Variants in FARP1 observed in about 807,000 individuals in gnomAD.
FARP1 encodes FERM, ARH/RhoGEF and pleckstrin domain protein 1.
In FARP1, 52 loss-of-function variants were observed where a neutral mutation model predicts 128.8. The observed-to-expected ratio is 0.40, with a 90% CI of 0.32 to 0.51. FARP1 has a LOEUF of 0.51. FARP1 is among the 20% of genes least tolerant of loss of function. FARP1 has a pLI of 0.45. For synonymous variants in FARP1, 580 were observed against 551.8 expected, an observed-to-expected ratio of 1.05 and a Z score of -0.72; for missense variants, 1,333 against 1,367.9, an observed-to-expected ratio of 0.97 and a Z score of 0.40.
chr13:98,431,733 T>G (rs1436440048), intron 18 of FARP1: 3 of 153,752 alleles, frequency 2.0e-5, no homozygotes, highest in Admixed American at 6.5e-5. Flanking sequence ...GTGCTGGGAT[T>G]ACAGGCGTGA....
At chr13:98,277,884 T>C (rs1358034892) in intron 2 of FARP1, among the ~76,000 whole-genome samples, 1 of 152,216 alleles carries the variant, frequency 6.6e-6, no homozygotes, top group African/African-American at 2.4e-5. Flanking sequence ...GGCCTAGGCA[T>C]TGTTATTTCT....
intron 3 of FARP1, among the ~76,000 whole-genome samples, chr13:98,362,562 G>A (rs2139953885): frequency 6.6e-6 from 1 of 152,300 alleles, no homozygotes; most frequent in Non-Finnish European, 1.5e-5. Context: ...GTCCATGGTG[G>A]ACATATTGGC....
At chr13:98,315,382 G>T (rs1040138346) in intron 2 of FARP1, among the ~76,000 whole-genome samples, 2 of 152,132 alleles carry the variant, frequency 1.3e-5, no homozygotes, top group African/African-American at 2.4e-5. Flanking sequence ...TGGGATTACA[G>T]GTATGAGCAC....
At position 98,431,059 on chromosome 13, in the gene FARP1, T is replaced by C. The variant is rs577544135; in HGVS notation, c.1922T>C (p.Leu641Pro). 6.2e-7 allele frequency: 1 copy of C among 1,613,652 alleles called. No homozygotes were observed. The highest frequency in any genetic ancestry group is 1.1e-5 in the South Asian group (1 of 91,024). Residue 641 changes from leucine to proline, a missense_variant, in exon 18 of 27, where the codon CTG (leucine) becomes CCG (proline). By Grantham distance (98) the Leu-to-Pro change is moderately conservative. This residue lies in a region of FARP1 where 1,009 missense variants were observed against 969.8 expected (regional missense o/e 1.04). Transcript: ENST00000319562. ...IQGMKHLAAH[L>P]WKHSEALEAL... ...CCTCCCAAGCACCTGGCGGCTCACCTGTGGAAGCACAGCGAGGCCTTGGAG... is the reference window on the plus strand; with the variant it reads ...CCTCCCAAGCACCTGGCGGCTCACCCGTGGAAGCACAGCGAGGCCTTGGAG...
intron 13 of FARP1, chr13:98,406,840 TC>T (rs1336761100): frequency 6.6e-6 from 1 of 152,472 alleles, no homozygotes; most frequent in African/African-American, 2.4e-5. Flanking sequence ...AACTGCTCTG[TC>T]CCCTAAATGT....
At chr13:98,297,219 C>G (rs1885735768) in intron 2 of FARP1, among the ~76,000 whole-genome samples, 2 of 152,290 alleles carry the variant, frequency 1.3e-5, no homozygotes, top group Admixed American at 6.5e-5. Context: ...TTCAGCTGAT[C>G]AGCAGGAGCT....
chr13:98,257,592 G>A (rs1290707481), intron 2 of FARP1, among the ~76,000 whole-genome samples: 3 of 152,176 alleles, frequency 2.0e-5, no homozygotes, highest in South Asian at 4.1e-4. Flanking sequence ...CCAACATGGT[G>A]AAACCTGTCT....
In FARP1 at chr13:98,431,202, C is replaced by T; in HGVS notation, c.2065C>T (p.Leu689Phe). Residue 689 changes from leucine to phenylalanine, a missense_variant, in exon 18 of 27, where the codon CTC (leucine) becomes TTC (phenylalanine). Physicochemically the swap from Leu to Phe is conservative, Grantham distance 22. This residue lies in a region of FARP1 where 1,009 missense variants were observed against 969.8 expected (regional missense o/e 1.04). Transcript: ENST00000319562. ...NTFLLRPLHR[L>F]MHYKQVLERL... ...CTTCCTCCTGCGGCCACTGCACCGG[C>T]TCATGCACTACAAGCAGGTCCTGGA... is the stretch of plus-strand genomic sequence containing the variant. 2 of 1,610,856 alleles carry T rather than the reference C, an allele frequency of 1.2e-6. No homozygotes were observed. Among genetic ancestry groups the T allele is most frequent in the Non-Finnish European group, 1.7e-6 (2 of 1,178,560 alleles).
intron 2 of FARP1, among the ~76,000 whole-genome samples, chr13:98,218,205 AC>A (rs756424843): frequency 2.1e-5 from 3 of 140,304 alleles, no homozygotes; most frequent in Non-Finnish European, 4.6e-5. Context: ...CGCCATCCTC[AC>A]CCCGAACACA....
At chr13:98,435,109 C>T (rs1320979074) in intron 18 of FARP1, 1 of 153,350 alleles carries the variant, frequency 6.5e-6, no homozygotes, top group Admixed American at 6.5e-5. Flanking sequence ...ATGTTAGTTA[C>T]CTGGAATATA....
rs201348219 is a variant in FARP1 at position 98,443,952 on chromosome 13, G to A, written c.2797-2146G>A. Among the ~76,000 whole-genome samples, 9 of 13,160 alleles carry A rather than the reference G, an allele frequency of 6.8e-4. No individual in the cohort carries two copies. The East Asian group carries it at 0.034, about 49-fold the overall frequency. The allele number at this position is 13,160 out of a possible 152,430, so 8.6% of individuals were successfully genotyped here. A position where few individuals can be genotyped will look rare whatever the true frequency, so the allele number is the denominator to read the frequency against. On this transcript the variant is annotated intron_variant, in intron 24 of 26. Coordinates refer to ENST00000319562, the MANE Select transcript of FARP1 (RefSeq NM_005766.4). ...ATATTTGTTCCCCGTGGCGTCACTC[G>A]GCACCAACCTCAGACTGGGTGAGGC...
intron 24 of FARP1, among the ~76,000 whole-genome samples, chr13:98,443,945 G>A (rs929830823): frequency 3.1e-4 from 48 of 152,394 alleles, no homozygotes; most frequent in African/African-American, 8.2e-4. Context: ...TCCCCGTGGC[G>A]TCACTCGGCA....
At chr13:98,326,653 A>G (rs1386639971) in intron 2 of FARP1, among the ~76,000 whole-genome samples, 1 of 152,226 alleles carries the variant, frequency 6.6e-6, no homozygotes, top group African/African-American at 2.4e-5. Context: ...AAAATAGAGT[A>G]CCTGGTACGT....
intron 5 of FARP1, among the ~76,000 whole-genome samples, chr13:98,370,761 A>G (rs1889291875): frequency 6.6e-6 from 1 of 152,208 alleles, no homozygotes; most frequent in East Asian, 1.9e-4. Flanking sequence ...CCAGGGAGAC[A>G]GTGACAAAGA....
intron 2 of FARP1, among the ~76,000 whole-genome samples, chr13:98,239,635 G>C (rs1408807438): frequency 6.6e-6 from 1 of 152,174 alleles, no homozygotes; most frequent in East Asian, 1.9e-4. Flanking sequence ...CTCAGGCAGG[G>C]ATGGCAGGCA....
intron 2 of FARP1, among the ~76,000 whole-genome samples, chr13:98,246,917 C>T (rs954175418): frequency 2.0e-5 from 3 of 152,184 alleles, no homozygotes; most frequent in African/African-American, 4.8e-5. Flanking sequence ...GCTGGAACTC[C>T]TGTGTTTAAG....
chr13:98,324,655 G>C (rs1887155145), intron 2 of FARP1, among the ~76,000 whole-genome samples: 1 of 152,148 alleles, frequency 6.6e-6, no homozygotes, highest in African/African-American at 2.4e-5. Flanking sequence ...AAAATGTGTT[G>C]ACCACCTACC....
rs1395688874 is a variant in FARP1 at position 98,176,742 on chromosome 13, G to A, written c.-24+33250G>A. The A allele has an allele frequency of 6.2e-7, 1 of 1,614,048 alleles. No individual in the cohort carries two copies. The highest frequency in any genetic ancestry group is 8.5e-7 in the Non-Finnish European group (1 of 1,179,986). ...TCCTCGCCATCCCCGAGGAGGAGTT[G>A]CCCATGGACGTGTCCTTGGGCTTCA... On this transcript the variant is annotated intron_variant, in intron 1 of 26. Coordinates refer to ENST00000319562, the MANE Select transcript of FARP1 (RefSeq NM_005766.4). This position sits in a 1 kb window ranked among gnomAD's most constrained non-coding sequence, Gnocchi z 6.2.
At chr13:98,335,244 C>T (rs1417704260) in intron 2 of FARP1, among the ~76,000 whole-genome samples, 3 of 152,160 alleles carry the variant, frequency 2.0e-5, no homozygotes, top group African/African-American at 4.8e-5. Flanking sequence ...TAAAGACATA[C>T]TTGAGACTGG....
Sources: allele counts gnomAD v4.1 joint callset (sites outside exome capture counted in the v4.1 genomes callset), GRCh38; gene constraint gnomAD v4.1.1; regional missense constraint gnomAD v4.1.1; non-coding constraint Gnocchi (gnomAD v3.1); transcripts MANE v1.5; gene names NCBI Gene and HGNC (gene_info 2026-07-23, HGNC 2026-07-21).